The following ATP13A4 variants were observed in gnomAD, a reference collection of about 807,000 sequenced individuals.
ATP13A4 encodes the protein ATPase 13A4.
ATP13A4 carries 114 observed loss-of-function variants against 142.5 expected under a neutral mutation model. The observed-to-expected ratio is 0.80, with a 90% CI of 0.69 to 0.93. The LOEUF (loss-of-function observed/expected upper bound fraction) is 0.93, where lower values mean the gene tolerates loss of function less well. ATP13A4 is among the 40% of genes least tolerant of loss of function. The probability of loss-of-function intolerance (pLI) is 0.00; values close to 1 mark genes in which losing one functional copy is unlikely to be tolerated. For missense variants in ATP13A4, 1,392 were observed against 1,454.0 expected, an observed-to-expected ratio of 0.96 and a Z score of 0.69; for synonymous variants, 488 against 514.8, an observed-to-expected ratio of 0.95 and a Z score of 0.70.
intron 9 of ATP13A4, among the ~76,000 whole-genome samples, chr3:193,469,553 G>A (rs923214506): frequency 6.6e-6 from 1 of 152,172 alleles, no homozygotes; most frequent in Non-Finnish European, 1.5e-5. Context: ...GCTTGAACCC[G>A]GGAGGCAGAG....
At chr3:193,409,597 G>A (rs1576931678) in intron 28 of ATP13A4, among the ~76,000 whole-genome samples, 2 of 152,154 alleles carry the variant, frequency 1.3e-5, no homozygotes, top group East Asian at 3.8e-4. Flanking sequence ...AAGACCAGTG[G>A]GCAAAGCCTA....
intron 25 of ATP13A4, among the ~76,000 whole-genome samples, chr3:193,424,754 T>G (rs1462501063): frequency 6.7e-6 from 1 of 149,734 alleles, no homozygotes; most frequent in Non-Finnish European, 1.5e-5. Context: ...TTTCATGGTT[T>G]TGATTTGGGC....
At chr3:193,541,769 A>T (rs1722944612) in intron 1 of ATP13A4, among the ~76,000 whole-genome samples, 1 of 152,240 alleles carries the variant, frequency 6.6e-6, no homozygotes, top group South Asian at 2.1e-4. Context: ...CAAGCATAGT[A>T]TTCCAATGGC....
intron 21 of ATP13A4, among the ~76,000 whole-genome samples, chr3:193,439,600 A>G (rs1716506362): frequency 1.3e-5 from 2 of 152,216 alleles, no homozygotes; most frequent in South Asian, 4.1e-4. Flanking sequence ...CAGTCACTCA[A>G]CTCAAGTATG....
At chr3:193,487,790 T>C (rs1251657009) in intron 7 of ATP13A4, among the ~76,000 whole-genome samples, 2 of 152,220 alleles carry the variant, frequency 1.3e-5, no homozygotes, top group Non-Finnish European at 2.9e-5. Context: ...CATATGTATA[T>C]GTATATATAG....
intron 25 of ATP13A4, among the ~76,000 whole-genome samples, chr3:193,426,637 A>G (rs1252552802): frequency 1.3e-5 from 2 of 151,968 alleles, no homozygotes; most frequent in South Asian, 2.1e-4. Flanking sequence ...CGGTGCTAAC[A>G]TGAGGAAATA....
intron 1 of ATP13A4, among the ~76,000 whole-genome samples, chr3:193,536,860 C>T (rs771615072): frequency 2.0e-5 from 3 of 151,948 alleles, no homozygotes; most frequent in Non-Finnish European, 4.4e-5. Context: ...AATACTACTA[C>T]AATCACTCCA....
intron 23 of ATP13A4, among the ~76,000 whole-genome samples, chr3:193,437,082 C>A (rs1394436678): frequency 7.8e-6 from 1 of 127,786 alleles, no homozygotes; most frequent in Admixed American, 8.6e-5. Flanking sequence ...CCAGCCTGGG[C>A]GACAGAGTGA....
At chr3:193,584,728 C>T (rs1284284841) in intron 1 of ATP13A4, among the ~76,000 whole-genome samples, 1 of 152,128 alleles carries the variant, frequency 6.6e-6, no homozygotes, top group Non-Finnish European at 1.5e-5. Context: ...TGGGCAGCTT[C>T]CATGGTTATT....
intron 1 of ATP13A4, among the ~76,000 whole-genome samples, chr3:193,518,136 T>C (rs1000753748): frequency 2.0e-5 from 3 of 152,222 alleles, no homozygotes; most frequent in Non-Finnish European, 2.9e-5. Flanking sequence ...GACAATATTG[T>C]TCCCACATTC....
At chr3:193,409,953 T>C (rs1714683858) in intron 28 of ATP13A4, among the ~76,000 whole-genome samples, 1 of 152,202 alleles carries the variant, frequency 6.6e-6, no homozygotes. Context: ...GACTCATCTT[T>C]GAGATGGAGA....
intron 2 of ATP13A4, among the ~76,000 whole-genome samples, chr3:193,576,348 T>C (rs1724395647): frequency 7.7e-6 from 1 of 130,694 alleles, no homozygotes; most frequent in Admixed American, 9.1e-5. Flanking sequence ...CTCGGCTCAC[T>C]GCAAGCTCCG....
At chr3:193,529,849 G>A (rs937350549) in intron 1 of ATP13A4, among the ~76,000 whole-genome samples, 4 of 152,122 alleles carry the variant, frequency 2.6e-5, no homozygotes, top group Non-Finnish European at 5.9e-5. Flanking sequence ...TAAACCAAAC[G>A]AGATTTCCTT....
At chr3:193,464,143 T>C (rs1718124570) in intron 12 of ATP13A4, among the ~76,000 whole-genome samples, 1 of 152,196 alleles carries the variant, frequency 6.6e-6, no homozygotes, top group South Asian at 2.1e-4. Flanking sequence ...AGCCTTCAAA[T>C]AACCCTCCAC....
chr3:193,528,678 T>C (rs915569833), intron 1 of ATP13A4, among the ~76,000 whole-genome samples: 1 of 152,130 alleles, frequency 6.6e-6, no homozygotes, highest in African/African-American at 2.4e-5. Context: ...CTCAGGGGGA[T>C]TTTTTAATGC....
Position 193,420,356 on chromosome 3 carries a change from T to C in ATP13A4, c.2843-5606A>G, listed in dbSNP as rs984493492. ...GTTACCACAATCTTCACAATTAGCA[T>C]ACCAAGACTCATCTGCAAGTGAAAG... is the stretch of plus-strand genomic sequence containing the variant. On this transcript the variant is annotated intron_variant, in intron 25 of 29. Transcript: ENST00000342695. Among the ~76,000 whole-genome samples, 4 of 150,274 alleles carry C rather than the reference T, an allele frequency of 2.7e-5. 1 individual carries two copies. In the South Asian group the frequency reaches 6.3e-4, roughly 24 times the overall value.
At chr3:193,504,284 T>G (rs1021976513) in intron 2 of ATP13A4, among the ~76,000 whole-genome samples, 17 of 152,172 alleles carry the variant, frequency 1.1e-4, no homozygotes, top group African/African-American at 3.6e-4. Flanking sequence ...ATGATAGACA[T>G]GGTCTAGGTA....
intron 18 of ATP13A4, 96 bp downstream of exon 18, chr3:193,448,110 C>T: frequency 6.5e-7 from 1 of 1,528,156 alleles, no homozygotes; most frequent in Non-Finnish European, 9.0e-7. Flanking sequence ...GATGTCTGGC[C>T]CAGAGTAGGT....
At chr3:193,585,606 G>A (rs1474504939) in intron 1 of ATP13A4, among the ~76,000 whole-genome samples, 1 of 152,096 alleles carries the variant, frequency 6.6e-6, no homozygotes, top group African/African-American at 2.4e-5. Flanking sequence ...TGTTCTAAAT[G>A]TTTATATGGT....
Sources: gnomAD v4.1 joint callset for allele counts (sites outside exome capture counted in the v4.1 genomes callset) on GRCh38, gnomAD v4.1.1 for gene constraint, MANE v1.5 for transcripts, NCBI Gene and HGNC (gene_info 2026-07-23, HGNC 2026-07-21) for gene names.